Variants in RIMS2 observed in about 807,000 individuals in gnomAD.
RIMS2 encodes the protein regulating synaptic membrane exocytosis 2.
Under a neutral mutation model 174.4 loss-of-function variants are expected in RIMS2, and 59 were observed. The observed-to-expected ratio is 0.34, with a 90% CI of 0.27 to 0.42. RIMS2 has a LOEUF of 0.42. Among genes scored for constraint, RIMS2 ranks in the 10% least tolerant of loss-of-function variants. The pLI, the probability that RIMS2 is intolerant of heterozygous loss-of-function variation, is 1.00. For synonymous variants in RIMS2, 606 were observed against 572.5 expected, an observed-to-expected ratio of 1.06 and a Z score of -0.84; for missense variants, 1,620 against 1,666.3, an observed-to-expected ratio of 0.97 and a Z score of 0.48.
chr8:104,230,373 C>T (rs772197292), intron 19 of RIMS2, among the ~76,000 whole-genome samples: 1 of 151,678 alleles, frequency 6.6e-6, no homozygotes, highest in Admixed American at 6.6e-5. Flanking sequence ...CAGCCAGGCG[C>T]GGTGGCTCAC....
At chr8:103,937,107 ATAAT>A (rs1323280297) in intron 13 of RIMS2, among the ~76,000 whole-genome samples, 5 of 148,664 alleles carry the variant, frequency 3.4e-5, no homozygotes, top group Non-Finnish European at 7.5e-5. Flanking sequence ...CAAAAAAAAA[ATAAT>A]TAAAGATAAA....
intron 1 of RIMS2, among the ~76,000 whole-genome samples, chr8:103,563,849 G>A (rs1012184323): frequency 9.2e-5 from 14 of 152,198 alleles, no homozygotes; most frequent in Admixed American, 5.9e-4. Flanking sequence ...CACATCTTAC[G>A]TGGATGGTGG....
chr8:103,858,625 A>G (rs918648880), intron 3 of RIMS2, among the ~76,000 whole-genome samples: 6 of 151,100 alleles, frequency 4.0e-5, no homozygotes, highest in Non-Finnish European at 8.9e-5. Flanking sequence ...GTATATATAT[A>G]TATTTCTCCT....
chr8:103,763,191 A>C (rs2098130915), intron 2 of RIMS2, among the ~76,000 whole-genome samples: 1 of 152,168 alleles, frequency 6.6e-6, no homozygotes. Context: ...TAATCCTAGC[A>C]CTTTGGAAGG....
chr8:103,798,938 G>A (rs1285228811), intron 3 of RIMS2, among the ~76,000 whole-genome samples: 1 of 147,130 alleles, frequency 6.8e-6, no homozygotes, highest in East Asian at 2.0e-4. Flanking sequence ...TTTTGGCTGC[G>A]TCAATGAGAT....
intron 1 of RIMS2, among the ~76,000 whole-genome samples, chr8:103,653,348 A>G (rs976153667): frequency 6.6e-6 from 1 of 152,190 alleles, no homozygotes; most frequent in Non-Finnish European, 1.5e-5. Context: ...AAAGTTGTTC[A>G]CTTCTGTAGC....
chr8:103,933,925 G>C (rs914201622), intron 12 of RIMS2, among the ~76,000 whole-genome samples: 1 of 152,074 alleles, frequency 6.6e-6, no homozygotes, highest in Non-Finnish European at 1.5e-5. Flanking sequence ...TTTTATTGAT[G>C]AGTCTTTTTA....
At chr8:103,796,206 T>C (rs2154447463) in intron 3 of RIMS2, among the ~76,000 whole-genome samples, 1 of 152,292 alleles carries the variant, frequency 6.6e-6, no homozygotes, top group East Asian at 1.9e-4. Flanking sequence ...TATTAAAGTG[T>C]AGATATGAAG....
At chr8:103,837,184 T>G (rs1453560087) in intron 3 of RIMS2, among the ~76,000 whole-genome samples, 3 of 152,200 alleles carry the variant, frequency 2.0e-5, no homozygotes, top group Admixed American at 1.3e-4. Context: ...CTTGTTTGAG[T>G]TCTCTGCTTA....
At chr8:103,931,818 A>C (rs1370781752) in intron 12 of RIMS2, among the ~76,000 whole-genome samples, 1 of 152,054 alleles carries the variant, frequency 6.6e-6, no homozygotes, top group African/African-American at 2.4e-5. Context: ...CCTCTTACCA[A>C]GATATTATTT....
chr8:103,852,115 A>T (rs982306874), intron 3 of RIMS2, among the ~76,000 whole-genome samples: 1 of 151,998 alleles, frequency 6.6e-6, no homozygotes, highest in African/African-American at 2.4e-5. Context: ...CTATTTTAAC[A>T]GTAGGATTGT....
chr8:103,942,115 AG>A (rs1202849927), intron 13 of RIMS2, among the ~76,000 whole-genome samples: 1 of 152,140 alleles, frequency 6.6e-6, no homozygotes, highest in Non-Finnish European at 1.5e-5. Flanking sequence ...AATACCAATT[AG>A]TATTTTTCCT....
chr8:104,164,126 A>G (rs1474734848), intron 19 of RIMS2, among the ~76,000 whole-genome samples: 3 of 151,950 alleles, frequency 2.0e-5, no homozygotes, highest in Non-Finnish European at 2.9e-5. Flanking sequence ...AAGTATCTCA[A>G]TTTCTTGTCT....
intron 1 of RIMS2, among the ~76,000 whole-genome samples, chr8:103,688,497 TTTGCTAGTATTTGG>T (rs2096970272): frequency 1.3e-5 from 2 of 152,202 alleles, no homozygotes; most frequent in South Asian, 4.1e-4. Flanking sequence ...TTGAATTCAG[TTTGCTAGTATTTGG>T]TTGCTAGTAT....
intron 3 of RIMS2, among the ~76,000 whole-genome samples, chr8:103,852,657 A>G (rs1433817316): frequency 6.6e-6 from 1 of 151,926 alleles, no homozygotes; most frequent in Non-Finnish European, 1.5e-5. Flanking sequence ...ACCATATGGT[A>G]TATGGTTTTC....
At chr8:103,936,655 G>A (rs1003856551) in exon 13 of RIMS2, 21 of 1,611,774 alleles carry the variant, frequency 1.3e-5, no homozygotes, top group African/African-American at 5.3e-5. Context: ...TTTCGGGAAC[G>A]AATGCTAGAG....
intron 2 of RIMS2, among the ~76,000 whole-genome samples, chr8:103,731,418 T>C (rs941993463): frequency 2.0e-5 from 3 of 152,156 alleles, no homozygotes; most frequent in Admixed American, 2.0e-4. Flanking sequence ...GATTATTAAA[T>C]GTTTTGAGGT....
chr8:103,970,082 G>T (rs1356816738), intron 15 of RIMS2, among the ~76,000 whole-genome samples: 3 of 151,986 alleles, frequency 2.0e-5, no homozygotes, highest in African/African-American at 7.3e-5. Context: ...TTTTTTTATT[G>T]ATAGGCAGAT....
chr8:103,746,703 C>T (rs142437237), intron 2 of RIMS2, among the ~76,000 whole-genome samples: 4,698 of 151,294 alleles, frequency 0.031, 240 homozygotes, highest in African/African-American at 0.1. Context: ...TTTTTTGAGA[C>T]GGAGTCTTGC....
Sources: gnomAD v4.1 joint callset for allele counts (sites outside exome capture counted in the v4.1 genomes callset) on GRCh38, gnomAD v4.1.1 for gene constraint, MANE v1.5 for transcripts, NCBI Gene and HGNC (gene_info 2026-07-23, HGNC 2026-07-21) for gene names.